Variants in HEATR5B observed in about 807,000 individuals in gnomAD.
HEATR5B encodes the protein HEAT repeat-containing protein 5B.
A neutral mutation model predicts 224.1 loss-of-function variants in HEATR5B; 156 were observed. That is an observed-to-expected ratio of 0.70 (90% CI 0.61 to 0.80). The LOEUF (loss-of-function observed/expected upper bound fraction) is 0.80, where lower values mean the gene tolerates loss of function less well. HEATR5B is among the 30% of genes least tolerant of loss of function. The pLI, the probability that HEATR5B is intolerant of heterozygous loss-of-function variation, is 0.00. For synonymous variants in HEATR5B, 1,027 were observed against 893.0 expected, an observed-to-expected ratio of 1.15 and a Z score of -2.68; for missense variants, 2,323 against 2,535.5, an observed-to-expected ratio of 0.92 and a Z score of 1.80.
chr2:37,055,129 G>A, intron 16 of HEATR5B: 1 of 395,448 alleles, frequency 2.5e-6, no homozygotes, highest in Non-Finnish European at 5.3e-6. Flanking sequence ...CGCACAGCCT[G>A]CTGGTTGAAA....
At chr2:37,056,273 AT>A (rs199763508) in intron 16 of HEATR5B, among the ~76,000 whole-genome samples, 166 bp downstream of exon 16, 5 of 152,162 alleles carry the variant, frequency 3.3e-5, no homozygotes, top group Non-Finnish European at 5.9e-5. Context: ...TTTGCATGCA[AT>A]TTTTTTATCA....
intron 21 of HEATR5B, among the ~76,000 whole-genome samples, chr2:37,034,612 CAAAAAAAAAAA>C (rs772823865): frequency 1.3e-4 from 4 of 30,578 alleles, no homozygotes; most frequent in African/African-American, 1.2e-4. Flanking sequence ...GACTCTGTCT[CAAAAAAAAAAA>C]AAAAAAAAAA....
chr2:37,023,209 C>T (rs947441258), intron 24 of HEATR5B, among the ~76,000 whole-genome samples: 3 of 152,064 alleles, frequency 2.0e-5, no homozygotes, highest in African/African-American at 7.2e-5. Context: ...AGATTAAATA[C>T]TAAAGATCAG....
chr2:36,981,657 A>G lies in HEATR5B; in HGVS notation c.6049T>C (p.Tyr2017His). The part of the protein sequence containing the change: ...LQNLMHIGPL[Y>H]PHAFKTVMGA... ...ATTACTGTCTTGAAAGCATGTGGAT[A>G]CAGAGGTCCAATATGCATTAAATTC... The change falls in exon 36 of 36, where the codon TAT (tyrosine) becomes CAT (histidine). Residue 2017 changes from tyrosine to histidine, a missense_variant. Coordinates refer to ENST00000233099, the MANE Select transcript of HEATR5B (RefSeq NM_019024.3). The G allele has an allele frequency of 6.2e-7, 1 of 1,614,192 alleles. No homozygotes were observed. Among genetic ancestry groups the G allele is most frequent in the Non-Finnish European group, 8.5e-7 (1 of 1,180,028 alleles).
At chr2:36,982,958 A>G (rs1038737482) in intron 35 of HEATR5B, among the ~76,000 whole-genome samples, 3 of 151,308 alleles carry the variant, frequency 2.0e-5, no homozygotes, top group African/African-American at 7.3e-5. Context: ...CCTACCAGAA[A>G]TGTAAGCTCC....
intron 26 of HEATR5B, among the ~76,000 whole-genome samples, chr2:37,016,115 T>G (rs1028207060): frequency 6.9e-6 from 1 of 145,458 alleles, no homozygotes; most frequent in Non-Finnish European, 1.5e-5. Flanking sequence ...CTTACTTTCT[T>G]TTTTTTTTTT....
intron 18 of HEATR5B, among the ~76,000 whole-genome samples, chr2:37,047,749 G>C (rs1487975425): frequency 6.6e-6 from 1 of 152,144 alleles, no homozygotes; most frequent in Admixed American, 6.6e-5. Context: ...TGTAGCTATA[G>C]ATGATTTTAG....
chr2:36,981,860 G>A, intron 35 of HEATR5B, 66 bp from the exon 36 acceptor site: 1 of 1,227,890 alleles, frequency 8.1e-7, no homozygotes, highest in Non-Finnish European at 1.1e-6. Context: ...TAAAAACTAG[G>A]CAATTGCCAT....
In HEATR5B at chr2:36,988,878, T is replaced by C; in HGVS notation, c.5698-19A>G. 1 of 1,557,422 alleles carries C rather than the reference T, an allele frequency of 6.4e-7. No individual in the cohort carries two copies. The highest frequency in any genetic ancestry group is 8.9e-7 in the Non-Finnish European group (1 of 1,128,726). On this transcript the variant is annotated intron_variant, in intron 34 of 35. Transcript: ENST00000233099. ...CTTGAACCTATATAAGAAGAACATA[T>C]TATCAATTAACATGTGTATAGTTCT... is the stretch of plus-strand genomic sequence containing the variant.
chr2:37,075,018 C>T (rs1326923537), intron 5 of HEATR5B, among the ~76,000 whole-genome samples: 3 of 152,182 alleles, frequency 2.0e-5, no homozygotes, highest in Non-Finnish European at 4.4e-5. Context: ...CTTTTCTGAA[C>T]GTTAAACTAA....
chr2:37,054,169 T>C (rs115938655), intron 16 of HEATR5B, among the ~76,000 whole-genome samples: 51 of 148,774 alleles, frequency 3.4e-4, no homozygotes, highest in African/African-American at 1.3e-3. Context: ...AAAAAATCCA[T>C]GGCCATCTTA....
At chr2:37,070,440 G>A (rs1290021284) in intron 6 of HEATR5B, 53 bp from the exon 7 acceptor site, 1 of 1,369,582 alleles carries the variant, frequency 7.3e-7, no homozygotes, top group African/African-American at 1.4e-5. Flanking sequence ...AGGCACTCTA[G>A]CTTAATAATT....
chr2:37,022,997 G>C (rs1668558568), intron 24 of HEATR5B, among the ~76,000 whole-genome samples: 1 of 151,892 alleles, frequency 6.6e-6, no homozygotes, highest in South Asian at 2.1e-4. Context: ...ATAGAAACAA[G>C]TCTAGAAATG....
chr2:36,994,236 G>A (rs1666535104), intron 33 of HEATR5B, among the ~76,000 whole-genome samples: 1 of 152,142 alleles, frequency 6.6e-6, no homozygotes, highest in African/African-American at 2.4e-5. Flanking sequence ...AGAAGGGTAT[G>A]CTGGAGTTCC....
chr2:36,982,246 C>A (rs1047208417), intron 35 of HEATR5B, among the ~76,000 whole-genome samples: 6 of 151,936 alleles, frequency 3.9e-5, no homozygotes, highest in African/African-American at 1.4e-4. Context: ...CAACTTTTTT[C>A]CTATTTCATC....
At chr2:37,058,765 T>C in intron 13 of HEATR5B, 123 bp downstream of exon 13, 1 of 711,846 alleles carries the variant, frequency 1.4e-6, no homozygotes, top group Admixed American at 2.9e-5. Flanking sequence ...TTTTTAAAGT[T>C]ATATTACAAA....
chr2:37,041,390 T>A (rs531187159), intron 18 of HEATR5B, 98 bp from the exon 19 acceptor site: 40 of 1,106,240 alleles, frequency 3.6e-5, no homozygotes, highest in Non-Finnish European at 5.2e-5. Flanking sequence ...ATTGGGGAAA[T>A]AAGAAAAGAT....
At chr2:37,031,861 C>A (rs912015051) in intron 22 of HEATR5B, among the ~76,000 whole-genome samples, 3 of 151,940 alleles carry the variant, frequency 2.0e-5, no homozygotes, top group African/African-American at 7.3e-5. Flanking sequence ...AGTTTCCAAA[C>A]CACCTACACC....
At chr2:37,056,708 G>A in intron 15 of HEATR5B, 93 bp from the exon 16 acceptor site, 5 of 1,004,122 alleles carry the variant, frequency 5.0e-6, no homozygotes, top group East Asian at 2.8e-5. Context: ...GAGGAGAAAG[G>A]AGAAAAGGCA....
Sources: gnomAD v4.1 joint callset for allele counts (sites outside exome capture counted in the v4.1 genomes callset) on GRCh38, gnomAD v4.1.1 for gene constraint, MANE v1.5 for transcripts, NCBI Gene and HGNC (gene_info 2026-07-23, HGNC 2026-07-21) for gene names.